Variants in IZUMO1 observed in about 807,000 individuals in gnomAD.
IZUMO1 encodes izumo sperm-oocyte fusion 1.
Under a neutral mutation model 40.7 loss-of-function variants are expected in IZUMO1, and 44 were observed. The observed-to-expected ratio is 1.08, with a 90% CI of 0.85 to 1.39. The LOEUF (loss-of-function observed/expected upper bound fraction) is 1.39. Ranked by LOEUF, IZUMO1 falls within the 40% of genes most tolerant of loss-of-function variation. The pLI is 0.00. For synonymous variants in IZUMO1, 149 were observed against 170.9 expected, an observed-to-expected ratio of 0.87 and a Z score of 1.00; for missense variants, 368 against 436.9, an observed-to-expected ratio of 0.84 and a Z score of 1.41.
At chr19:48,745,540 ACC>A in intron 2 of IZUMO1, 83 bp downstream of exon 2, 1 of 1,504,230 alleles carries the variant, frequency 6.6e-7, no homozygotes, top group Non-Finnish European at 9.2e-7. Context: ...AATCCCGGAG[ACC>A]CTGCTGTCAG....
In IZUMO1 at chr19:48,746,740, A is replaced by G; in HGVS notation, c.-379T>C. On this transcript the variant is annotated 5_prime_UTR_variant, in exon 1 of 10. Transcript: ENST00000332955. Reference sequence around the variant, plus strand: ...CATGACCACCTACGCTAATTTTCCCAGGGGTAAAATCAAGGATTGTGTTGG... The same window carrying G: ...CATGACCACCTACGCTAATTTTCCCGGGGGTAAAATCAAGGATTGTGTTGG... 4 of 985,384 alleles carry G rather than the reference A, an allele frequency of 4.1e-6. No individual in the cohort carries two copies. Among genetic ancestry groups the G allele is most frequent in the Non-Finnish European group, 4.8e-6 (4 of 829,894 alleles). The allele number at this position is 985,384 out of a possible 1,614,324, so 61.0% of individuals were successfully genotyped here.
intron 6 of IZUMO1, among the ~76,000 whole-genome samples, chr19:48,742,662 T>TTAC (rs948570651): frequency 1.3e-5 from 2 of 151,740 alleles, no homozygotes; most frequent in Admixed American, 6.6e-5. Context: ...TCACGGTTCT[T>TTAC]TACCCTCCCC....
At position 48,745,890 on chromosome 19, in the gene IZUMO1, G is replaced by T. The variant is rs774261166; in HGVS notation, c.-31C>A. 6.7e-5 allele frequency: 108 copies of T among 1,611,150 alleles called. No homozygotes were observed. The highest frequency in any genetic ancestry group is 8.8e-5 in the Non-Finnish European group (104 of 1,177,740). ...CCGGCGCGCACAGTTCCCGAAGACC[G>T]TTAGGAAGGGTGCTCTCACCCCAAA... On this transcript the variant is annotated 5_prime_UTR_variant, in exon 2 of 10. Coordinates refer to ENST00000332955, the MANE Select transcript of IZUMO1 (RefSeq NM_182575.3).
chr19:48,741,920 G>T lies in IZUMO1; in HGVS notation c.623C>A (p.Thr208Asn). The T allele has an allele frequency of 1.2e-6, 2 of 1,608,738 alleles. No homozygotes were observed. Among genetic ancestry groups the T allele is most frequent in the Non-Finnish European group, 1.7e-6 (2 of 1,176,460 alleles). ...FYRVWGNNTETLVSKGKEATL... is the reference protein window; with the variant it reads ...FYRVWGNNTENLVSKGKEATL... ...GGCCTCTTTCCCCTTGGACACCAAG[G>T]TCTCCGTATTGTTCCCCCAAACCTA... The change falls in exon 8 of 10, where the codon ACC (threonine) becomes AAC (asparagine). Residue 208 changes from threonine (T) to asparagine (N), a missense_variant. By Grantham distance (65) the Thr-to-Asn change is moderately conservative (BLOSUM62 0). Coordinates refer to ENST00000332955, the MANE Select transcript of IZUMO1 (RefSeq NM_182575.3). This position sits in a 1 kb window ranked among gnomAD's most constrained non-coding sequence, Gnocchi z 4.4.
intron 5 of IZUMO1, 75 bp downstream of exon 5, chr19:48,744,100 G>T (rs779589133): frequency 1.5e-6 from 2 of 1,334,754 alleles, no homozygotes; most frequent in Non-Finnish European, 2.2e-6. Context: ...AAACCACCAG[G>T]ATCCAAAAAG....
Position 48,746,501 on chromosome 19 carries a change from G to A in IZUMO1, c.-140C>T. 5.1e-6 allele frequency: 5 copies of A among 986,260 alleles called. No individual in the cohort carries two copies. The highest frequency in any genetic ancestry group is 6.0e-6 in the Non-Finnish European group (5 of 830,546). The allele number at this position is 986,260 out of a possible 1,614,324, so 61.1% of individuals were successfully genotyped here. A position where few individuals can be genotyped will look rare whatever the true frequency, so the allele number is the denominator to read the frequency against. Reference sequence around the variant, plus strand: ...ACTCCATGCGGTCCTCTAGACCTAGGGGGCCCTTGTTCACCCTTCCCCAAA... The same window carrying A: ...ACTCCATGCGGTCCTCTAGACCTAGAGGGCCCTTGTTCACCCTTCCCCAAA... On this transcript the variant is annotated 5_prime_UTR_variant, in exon 1 of 10. Coordinates refer to ENST00000332955, the MANE Select transcript of IZUMO1 (RefSeq NM_182575.3).
intron 7 of IZUMO1, 102 bp from the exon 8 acceptor site, chr19:48,742,044 C>T: frequency 7.2e-6 from 11 of 1,534,126 alleles, no homozygotes; most frequent in Middle Eastern, 1.8e-4. Context: ...AGGTGAGTGT[C>T]CAGGGTGTCA....
At chr19:48,746,203 A>C in intron 1 of IZUMO1, 1 of 1,125,312 alleles carries the variant, frequency 8.9e-7, no homozygotes, top group Non-Finnish European at 1.1e-6. Context: ...GGAATCTCCC[A>C]ACCCCATGCG....
intron 1 of IZUMO1, 194 bp from the exon 2 acceptor site, chr19:48,746,126 C>A: frequency 7.5e-7 from 1 of 1,332,968 alleles, no homozygotes. Flanking sequence ...CTCACTGAAT[C>A]CCCCAACTGA....
chr19:48,744,049 A>G (rs552324277), intron 5 of IZUMO1, 126 bp downstream of exon 5: 20 of 813,826 alleles, frequency 2.5e-5, no homozygotes, highest in Non-Finnish European at 6.4e-6. Flanking sequence ...TGCAGAAAGA[A>G]TACTGGAGAC....
In IZUMO1 at chr19:48,741,061, C is replaced by T. The variant is rs2033669558; in HGVS notation, c.933-33G>A. 2 of 1,612,448 alleles carry T rather than the reference C, an allele frequency of 1.2e-6. No individual in the cohort carries two copies. The highest frequency in any genetic ancestry group is 1.7e-6 in the Non-Finnish European group (2 of 1,179,672). ...TGGGAGTGGGGTGCAGATCATGGAACCGGTTTGGGTACTAATTGTGTGGGG... is the reference window on the plus strand; with the variant it reads ...TGGGAGTGGGGTGCAGATCATGGAATCGGTTTGGGTACTAATTGTGTGGGG... On this transcript the variant is annotated intron_variant, in intron 9 of 9. Coordinates refer to ENST00000332955, the MANE Select transcript of IZUMO1 (RefSeq NM_182575.3). This position sits in a 1 kb window ranked among gnomAD's most constrained non-coding sequence, Gnocchi z 4.4.
Position 48,745,638 on chromosome 19 carries a change from A to G in IZUMO1, c.222T>C (p.Tyr74=), listed in dbSNP as rs780574831. 1.2e-6 allele frequency: 2 copies of G among 1,613,936 alleles called. No individual in the cohort carries two copies. The highest frequency in any genetic ancestry group is 2.2e-5 in the South Asian group (2 of 91,068). The change falls in exon 2 of 10, where the codon TAT becomes TAC. Residue 74 remains tyrosine, a synonymous_variant. Coordinates refer to ENST00000332955, the MANE Select transcript of IZUMO1 (RefSeq NM_182575.3). ...FQELSLNEDA[Y]MGVVDEATLQ... is the part of the protein sequence containing the mutation. ...CCCTGCCCTCACCAACGACCCCCATATAGGCATCCTCATTAAGCGACAGTT... is the reference window on the plus strand; with the variant it reads ...CCCTGCCCTCACCAACGACCCCCATGTAGGCATCCTCATTAAGCGACAGTT...
At chr19:48,744,841 C>T (rs373480041) in intron 3 of IZUMO1, among the ~76,000 whole-genome samples, 1 of 152,124 alleles carries the variant, frequency 6.6e-6, no homozygotes, top group East Asian at 1.9e-4. Flanking sequence ...CACACACCAC[C>T]ATGCCCAGCT....
chr19:48,745,576 C>A (rs1411319245), intron 2 of IZUMO1, 49 bp downstream of exon 2: 2 of 1,606,852 alleles, frequency 1.2e-6, no homozygotes, highest in Non-Finnish European at 1.7e-6. Context: ...CTGGTCTTAT[C>A]TCCCTCCTTT....
intron 2 of IZUMO1, 91 bp from the exon 3 acceptor site, chr19:48,745,379 G>T: frequency 8.1e-7 from 1 of 1,233,728 alleles, no homozygotes; most frequent in Non-Finnish European, 1.2e-6. Context: ...AGGCCACTGG[G>T]CAAAGATAGG....
Position 48,741,555 on chromosome 19 carries a change from A to G in IZUMO1, c.755-77T>C, listed in dbSNP as rs1415036725. ...CTGGCAAAGACAAGCCCGTCCCAGT[A>G]GCCGGCCATCCCAGAGATAATCACG... is the stretch of plus-strand genomic sequence containing the variant. On this transcript the variant is annotated intron_variant, in intron 8 of 9. Coordinates refer to ENST00000332955, the MANE Select transcript of IZUMO1 (RefSeq NM_182575.3). This position sits in a 1 kb window ranked among gnomAD's most constrained non-coding sequence, Gnocchi z 4.4. 52 of 1,471,372 alleles carry G rather than the reference A, an allele frequency of 3.5e-5. No homozygotes were observed. The highest frequency in any genetic ancestry group is 2.3e-5 in the East Asian group (1 of 43,636). The allele number at this position is 1,471,372 out of a possible 1,614,324, so 91.1% of individuals were successfully genotyped here.
rs2033812810 is a variant in IZUMO1, at chr19:48,744,306, G to A, written c.398-111C>T. The A allele has an allele frequency of 2.3e-6, 3 of 1,294,460 alleles. No individual in the cohort carries two copies. The Admixed American group carries it at 5.2e-5, about 22-fold the overall frequency. The allele number at this position is 1,294,460 out of a possible 1,614,324, so 80.2% of individuals were successfully genotyped here. On this transcript the variant is annotated intron_variant, in intron 4 of 9. Transcript: ENST00000332955. ...GGAAGAGCTGGGCTTTGGGCTTTTG[G>A]GTTCGAGGGAGAAAAGACTTGGGTC...
chr19:48,742,408 C>T (rs1327353796), intron 6 of IZUMO1, 99 bp from the exon 7 acceptor site: 35 of 830,178 alleles, frequency 4.2e-5, no homozygotes, highest in East Asian at 2.7e-4. Flanking sequence ...AATGCATTGG[C>T]GCGATCTCGG....
intron 5 of IZUMO1, 127 bp from the exon 6 acceptor site, chr19:48,743,652 C>A: frequency 1.4e-6 from 1 of 725,826 alleles, no homozygotes; most frequent in Non-Finnish European, 2.4e-6. Context: ...GGCACAGGAC[C>A]AGGACGCAGG....
Sources: allele counts gnomAD v4.1 joint callset (sites outside exome capture counted in the v4.1 genomes callset), GRCh38; gene constraint gnomAD v4.1.1; non-coding constraint Gnocchi (gnomAD v3.1); transcripts MANE v1.5; gene names NCBI Gene and HGNC (gene_info 2026-07-23, HGNC 2026-07-21).